Variants in NR2C2 observed in about 807,000 individuals in gnomAD.
NR2C2 encodes the protein Nuclear hormone receptor TR4.
Under a neutral mutation model 62.9 loss-of-function variants are expected in NR2C2, and 6 were observed. The observed-to-expected ratio is 0.10, with a 90% CI of 0.05 to 0.19. The LOEUF is 0.19. Among genes scored for constraint, NR2C2 ranks in the 10% least tolerant of loss-of-function variants. NR2C2 has a pLI of 1.00. For missense variants in NR2C2, 479 were observed against 762.7 expected (o/e 0.63, Z 4.38); for synonymous variants, 272 against 273.8 (o/e 0.99, Z 0.07).
chr3:15,030,596 G>T, intron 9 of NR2C2, 144 bp downstream of exon 9: 1 of 754,582 alleles, frequency 1.3e-6, no homozygotes, highest in African/African-American at 1.8e-5. Context: ...GGGAGGCCAA[G>T]GCACGTGGAT....
At chr3:15,038,252 C>A in intron 12 of NR2C2, 115 bp downstream of exon 12, 1 of 1,114,812 alleles carries the variant, frequency 9.0e-7, no homozygotes, top group Non-Finnish European at 1.2e-6. Flanking sequence ...TGTATGTGAC[C>A]TAGTGTTCTT....
intron 10 of NR2C2, 82 bp from the exon 11 acceptor site, chr3:15,034,588 C>G (rs1411029116): frequency 1.4e-6 from 2 of 1,453,980 alleles, no homozygotes; most frequent in Non-Finnish European, 1.9e-6. Context: ...TTGGGAAATG[C>G]TGGGACTTAG....
chr3:15,023,778 C>G (rs370887082), intron 6 of NR2C2, among the ~76,000 whole-genome samples: 8 of 152,224 alleles, frequency 5.3e-5, no homozygotes, highest in South Asian at 2.1e-4. Context: ...CAAAATGTAT[C>G]AGAGAGAGAG....
In NR2C2 at chr3:15,048,911, G is replaced by A. The variant is rs983596446; in HGVS notation, c.*5903G>A. ...TTGGGTGTTAGATTTTCTTGGGACC[G>A]TTTCTGTAACCTTTGCCCTTCACAA... On this transcript the variant is annotated 3_prime_UTR_variant, in exon 14 of 14. Coordinates refer to ENST00000425241, the MANE Select transcript of NR2C2 (RefSeq NM_001291694.2). 5 of 152,610 alleles carry A rather than the reference G, an allele frequency of 3.3e-5. No individual in the cohort carries two copies. The highest frequency in any genetic ancestry group is 7.3e-5 in the Non-Finnish European group (5 of 68,034). The allele number at this position is 152,610 out of a possible 1,614,324, so 9.5% of individuals were successfully genotyped here.
chr3:14,988,333 T>C, intron 1 of NR2C2, among the ~76,000 whole-genome samples: 1 of 152,252 alleles, frequency 6.6e-6, no homozygotes, highest in South Asian at 2.1e-4. Context: ...TCTGGTATTG[T>C]CTGTTTTTAC....
intron 10 of NR2C2, 114 bp downstream of exon 10, chr3:15,032,614 C>G (rs1439380438): frequency 8.6e-6 from 11 of 1,272,744 alleles, no homozygotes; most frequent in African/African-American, 1.5e-5. Context: ...TGACCTCATT[C>G]AAAGGACCCT....
Position 15,006,572 on chromosome 3 carries a change from T to C in NR2C2, c.72+2586T>C, listed in dbSNP as rs138788004. Among the ~76,000 whole-genome samples, 234 of 152,158 alleles carry C rather than the reference T, an allele frequency of 1.5e-3. 2 individuals carry two copies. Among genetic ancestry groups the C allele is most frequent in the Non-Finnish European group, 2.8e-3 (187 of 67,990 alleles). ...TTGAGGGACAAACCCTTGAAGGGAT[T>C]CTCATTGTACTCAGAAAGAAATCCA... On this transcript the variant is annotated intron_variant, in intron 2 of 13. Transcript: ENST00000425241.
intron 2 of NR2C2, among the ~76,000 whole-genome samples, chr3:15,008,168 T>A (rs2041243719): frequency 6.6e-6 from 1 of 152,120 alleles, no homozygotes; most frequent in African/African-American, 2.4e-5. Context: ...TGATTTTGAT[T>A]ATGGGAAATA....
At chr3:14,999,672 T>C (rs903130602) in intron 1 of NR2C2, among the ~76,000 whole-genome samples, 1 of 151,886 alleles carries the variant, frequency 6.6e-6, no homozygotes, top group African/African-American at 2.4e-5. Context: ...CATTTTGATT[T>C]TTTTTTTTTG....
At chr3:15,022,898 A>T (rs2041717325) in intron 5 of NR2C2, among the ~76,000 whole-genome samples, 1 of 152,196 alleles carries the variant, frequency 6.6e-6, no homozygotes, top group Non-Finnish European at 1.5e-5. Flanking sequence ...AATAGCATAA[A>T]ATTAATAAAA....
intron 1 of NR2C2, among the ~76,000 whole-genome samples, chr3:14,956,772 C>T (rs1371308371): frequency 6.6e-6 from 1 of 152,176 alleles, no homozygotes; most frequent in Non-Finnish European, 1.5e-5. Flanking sequence ...AACTCCTGAC[C>T]TCAGGTGATC....
intron 1 of NR2C2, chr3:14,959,648 A>G (rs754172374): frequency 4.6e-5 from 7 of 152,200 alleles, no homozygotes; most frequent in Non-Finnish European, 8.8e-5. Flanking sequence ...AATTGTAAGA[A>G]TTCAAGTGTA....
chr3:15,030,387 G>T lies in NR2C2; in HGVS notation c.1045G>T (p.Asp349Tyr). The change falls in exon 9 of 14, where the codon GAC becomes TAC. Residue 349 changes from aspartate to tyrosine, a missense_variant. This residue lies in a region of NR2C2 where 151 missense variants were observed against 176.1 expected (regional missense o/e 0.86). Coordinates refer to ENST00000425241, the MANE Select transcript of NR2C2 (RefSeq NM_001291694.2). Reference protein sequence around the residue: ...GGGSIHVISRDQSTPIIEVEG... With the variant: ...GGGSIHVISRYQSTPIIEVEG... The stretch of plus-strand genomic sequence containing the variant: ...AGGGAGCATCCACGTCATCAGCAGA[G>T]ACCAGTCGACACCCATCATTGAGGT... The T allele has an allele frequency of 6.2e-7, 1 of 1,612,910 alleles. No individual in the cohort carries two copies.
chr3:14,953,699 G>A (rs1182024248), intron 1 of NR2C2, among the ~76,000 whole-genome samples: 1 of 152,062 alleles, frequency 6.6e-6, no homozygotes, highest in Non-Finnish European at 1.5e-5. Flanking sequence ...TTCAAGACCA[G>A]CCTGGCCAAC....
At chr3:15,033,638 GCT>G (rs1491118068) in intron 10 of NR2C2, among the ~76,000 whole-genome samples, 2 of 122,074 alleles carry the variant, frequency 1.6e-5, no homozygotes, top group Non-Finnish European at 3.6e-5. Flanking sequence ...GTAACCTCAG[GCT>G]TTTTTTTTTT....
At chr3:15,033,639 C>CTTTTTTT (rs58524753) in intron 10 of NR2C2, among the ~76,000 whole-genome samples, 1 of 84,818 alleles carries the variant, frequency 1.2e-5, no homozygotes. Flanking sequence ...TAACCTCAGG[C>CTTTTTTT]TTTTTTTTTT....
chr3:14,964,463 C>T (rs1293104776), intron 1 of NR2C2, among the ~76,000 whole-genome samples: 1 of 151,804 alleles, frequency 6.6e-6, no homozygotes, highest in Non-Finnish European at 1.5e-5. Flanking sequence ...TATTGTCATG[C>T]ATTTGGTATG....
chr3:15,032,567 A>C lies in NR2C2; in HGVS notation c.1232+67A>C, dbSNP rs567260240. The C allele has an allele frequency of 2.7e-5, 43 of 1,597,280 alleles. No individual in the cohort carries two copies. The African/African-American group carries it at 5.4e-4, about 20-fold the overall frequency. On this transcript the variant is annotated intron_variant, in intron 10 of 13. Coordinates refer to ENST00000425241, the MANE Select transcript of NR2C2 (RefSeq NM_001291694.2). ...CTTCCTCTCCCTAGGAATGACCTGGAAGAACTCTGAGGGCCTGTCTAGTTT... is the reference window on the plus strand; with the variant it reads ...CTTCCTCTCCCTAGGAATGACCTGGCAGAACTCTGAGGGCCTGTCTAGTTT...
intron 1 of NR2C2, among the ~76,000 whole-genome samples, chr3:15,002,644 A>ATTTTT (rs2041045500): frequency 2.0e-5 from 1 of 49,434 alleles, no homozygotes; most frequent in African/African-American, 7.2e-5. Context: ...TTCACAATAT[A>ATTTTT]CTTTTTTTTT....
Sources: gnomAD v4.1 joint callset for allele counts (sites outside exome capture counted in the v4.1 genomes callset) on GRCh38, gnomAD v4.1.1 for gene constraint, gnomAD v4.1.1 regional missense constraint, MANE v1.5 for transcripts, NCBI Gene and HGNC (gene_info 2026-07-23, HGNC 2026-07-21) for gene names.